Variants in RHCE observed in about 807,000 individuals in gnomAD.
RHCE encodes blood group Rh(CE) polypeptide.
Under a neutral mutation model 43.8 loss-of-function variants are expected in RHCE, and 22 were observed. The observed-to-expected ratio is 0.50, with a 90% CI of 0.36 to 0.72. RHCE has a LOEUF of 0.72. Ranked by LOEUF, RHCE falls within the 30% of genes least tolerant of loss-of-function variation. The probability of loss-of-function intolerance (pLI) is 0.00; values close to 1 mark genes in which losing one functional copy is unlikely to be tolerated. For synonymous variants in RHCE, 156 were observed against 210.7 expected (o/e 0.74, Z 2.25); for missense variants, 385 against 525.4 (o/e 0.73, Z 2.61).
At chr1:25,391,175 T>A (rs929445718) in intron 4 of RHCE, among the ~76,000 whole-genome samples, 2 of 152,142 alleles carry the variant, frequency 1.3e-5, no homozygotes, top group Non-Finnish European at 1.5e-5. Flanking sequence ...GGTCAAATGC[T>A]TATTTTAATT....
At chr1:25,401,771 G>C (rs1646750144) in intron 3 of RHCE, among the ~76,000 whole-genome samples, 1 of 152,204 alleles carries the variant, frequency 6.6e-6, no homozygotes, top group Admixed American at 6.5e-5. Flanking sequence ...GGATTATACT[G>C]TAGTAGTTAA....
At chr1:25,392,343 C>T (rs1276130409) in intron 3 of RHCE, among the ~76,000 whole-genome samples, 1 of 152,186 alleles carries the variant, frequency 6.6e-6, no homozygotes, top group African/African-American at 2.4e-5. Flanking sequence ...CTCACTGGAA[C>T]ATTTGCCTCC....
At chr1:25,383,826 G>A (rs1418498892) in intron 7 of RHCE, among the ~76,000 whole-genome samples, 5 of 152,128 alleles carry the variant, frequency 3.3e-5, no homozygotes, top group Admixed American at 1.3e-4. Flanking sequence ...AAGTCCATGT[G>A]CAGTGACGTC....
chr1:25,373,436 T>C (rs1192946764), intron 8 of RHCE, among the ~76,000 whole-genome samples: 2 of 151,792 alleles, frequency 1.3e-5, no homozygotes, highest in Admixed American at 1.3e-4. Context: ...TGCCACGAAC[T>C]GAACGTTAAC....
chr1:25,392,197 G>A, intron 3 of RHCE, 56 bp from the exon 4 acceptor site: 1 of 1,613,404 alleles, frequency 6.2e-7, no homozygotes, highest in Non-Finnish European at 8.5e-7. Context: ...CCAGGGGAAA[G>A]CCCTGATGGT....
chr1:25,391,579 G>A (rs754995178), intron 4 of RHCE, among the ~76,000 whole-genome samples: 2 of 151,800 alleles, frequency 1.3e-5, no homozygotes, highest in African/African-American at 4.8e-5. Context: ...CTCACTGCCC[G>A]ATTTTCTATT....
At chr1:25,375,792 T>C (rs1466894557) in intron 7 of RHCE, among the ~76,000 whole-genome samples, 2 of 111,738 alleles carry the variant, frequency 1.8e-5, no homozygotes, top group Non-Finnish European at 3.3e-5. Flanking sequence ...TCTCTCTCTC[T>C]TTTTTTTTTT....
chr1:25,372,164 G>A (rs28742187), intron 8 of RHCE, among the ~76,000 whole-genome samples: 10,393 of 151,648 alleles, frequency 0.069, 1,377 homozygotes, highest in African/African-American at 0.23. Flanking sequence ...GTTTGTAGCC[G>A]TGGAGGGTTG....
chr1:25,411,378 G>C lies in RHCE; in HGVS notation c.149-2509C>G. ...CCAGCCCTGGCTTTGATAACAATGAGAAGCTCTCATTACTGGAACTCTCCA... is the reference window on the plus strand; with the variant it reads ...CCAGCCCTGGCTTTGATAACAATGACAAGCTCTCATTACTGGAACTCTCCA... On this transcript the variant is annotated intron_variant, in intron 1 of 9. Transcript: ENST00000294413. The C allele has an allele frequency of 1.9e-6, 3 of 1,550,552 alleles. No individual in the cohort carries two copies. In the East Asian group the frequency reaches 7.3e-5, roughly 38 times the overall value.
intron 8 of RHCE, among the ~76,000 whole-genome samples, chr1:25,371,142 G>A (rs1211532429): frequency 6.7e-6 from 1 of 150,126 alleles, no homozygotes; most frequent in African/African-American, 2.5e-5. Flanking sequence ...CAGATCTGAC[G>A]CCCTTCCCCA....
chr1:25,389,196 C>T, intron 5 of RHCE, 83 bp from the exon 6 acceptor site: 1 of 1,486,404 alleles, frequency 6.7e-7, no homozygotes, highest in Non-Finnish European at 9.3e-7. Context: ...ACGCTGGGAA[C>T]AAGGCAACCC....
chr1:25,388,606 G>C (rs1420355118), intron 6 of RHCE, among the ~76,000 whole-genome samples: 1 of 152,098 alleles, frequency 6.6e-6, no homozygotes. Flanking sequence ...GGTGAAAGAG[G>C]AGGAAGCAGG....
chr1:25,396,535 G>A (rs1348805964), intron 3 of RHCE, among the ~76,000 whole-genome samples: 1 of 152,190 alleles, frequency 6.6e-6, no homozygotes, highest in Non-Finnish European at 1.5e-5. Flanking sequence ...TCACAGTTTG[G>A]CATGGCCGGA....
intron 8 of RHCE, among the ~76,000 whole-genome samples, chr1:25,374,299 G>T (rs1338134199): frequency 2.6e-5 from 4 of 151,856 alleles, no homozygotes; most frequent in South Asian, 2.1e-4. Flanking sequence ...ATGTTGGCCA[G>T]GCTGGTCTTG....
intron 5 of RHCE, among the ~76,000 whole-genome samples, chr1:25,389,531 T>C (rs1277603056): frequency 2.6e-5 from 4 of 152,154 alleles, no homozygotes; most frequent in Admixed American, 6.5e-5. Context: ...GCCTCAGCTT[T>C]CCAAAATATT....
Position 25,398,682 on chromosome 1 carries a change from T to C in RHCE, c.486+3914A>G, listed in dbSNP as rs1571886428. 5.1e-6 allele frequency: 6 copies of C among 1,169,894 alleles called. No homozygotes were observed. In the East Asian group the frequency reaches 1.4e-4, roughly 28 times the overall value. 72.5% of individuals were successfully genotyped at this position (1,169,894 alleles called of 1,614,324 possible). A position where few individuals can be genotyped will look rare whatever the true frequency, so the allele number is the denominator to read the frequency against. On this transcript the variant is annotated intron_variant, in intron 3 of 9. Coordinates refer to ENST00000294413, the MANE Select transcript of RHCE (RefSeq NM_020485.8). Reference sequence around the variant, plus strand: ...GCCGGCCTATTCACAGTCCCTGCCATTTCTCTCGTTAAGATGAACTCTCCG... The same window carrying C: ...GCCGGCCTATTCACAGTCCCTGCCACTTCTCTCGTTAAGATGAACTCTCCG...
chr1:25,377,678 G>C (rs1645830706), intron 7 of RHCE, among the ~76,000 whole-genome samples: 1 of 152,312 alleles, frequency 6.6e-6, no homozygotes, highest in Admixed American at 6.5e-5. Flanking sequence ...GGCCAAAGTT[G>C]AGGCTAGGAT....
In RHCE at chr1:25,388,174, A is replaced by G. The variant is rs563053640; in HGVS notation, c.939+802T>C. Reference sequence around the variant, plus strand: ...CCTGTTCATCCAAATCCAGCCTTCGAAAATCTACTCCTTTTTCCTCCATCA... The same window carrying G: ...CCTGTTCATCCAAATCCAGCCTTCGGAAATCTACTCCTTTTTCCTCCATCA... On this transcript the variant is annotated intron_variant, in intron 6 of 9. Transcript: ENST00000294413. Among the ~76,000 whole-genome samples the G allele has an allele frequency of 5.3e-3, 768 of 143,656 alleles. 12 individuals are homozygous for G. Among genetic ancestry groups the G allele is most frequent in the African/African-American group, 0.019 (724 of 38,286 alleles). 94.2% of individuals were successfully genotyped at this position (143,656 alleles called of 152,430 possible).
chr1:25,367,879 G>A (rs908170627), intron 9 of RHCE, among the ~76,000 whole-genome samples: 3 of 149,924 alleles, frequency 2.0e-5, no homozygotes, highest in Non-Finnish European at 4.4e-5. Flanking sequence ...GAGGCTGAGG[G>A]GGGAGGATCT....
Sources: gnomAD v4.1 joint callset for allele counts (sites outside exome capture counted in the v4.1 genomes callset) on GRCh38, gnomAD v4.1.1 for gene constraint, MANE v1.5 for transcripts, NCBI Gene and HGNC (gene_info 2026-07-23, HGNC 2026-07-21) for gene names.